The following ZNF248 variants were observed in gnomAD, a reference collection of about 807,000 sequenced individuals.
ZNF248 encodes the protein zinc finger protein 248.
ZNF248 carries 20 observed loss-of-function variants against 44.3 expected under a neutral mutation model. The observed-to-expected ratio is 0.45, with a 90% confidence interval of 0.32 to 0.66. The LOEUF is 0.66. ZNF248 is among the 30% of genes least tolerant of loss of function. The pLI is 0.04. For synonymous variants in ZNF248, 224 were observed against 229.0 expected (o/e 0.98, Z 0.20); for missense variants, 654 against 677.0 (o/e 0.97, Z 0.38).
At chr10:37,810,802 A>T (rs558312365) in intron 6 of ZNF248, among the ~76,000 whole-genome samples, 1 of 152,222 alleles carries the variant, frequency 6.6e-6, no homozygotes, top group Non-Finnish European at 1.5e-5. Flanking sequence ...ATGTTAACAG[A>T]CGTGAAGAGG....
At chr10:37,807,266 A>G (rs2050719657) in intron 6 of ZNF248, among the ~76,000 whole-genome samples, 1 of 150,280 alleles carries the variant, frequency 6.7e-6, no homozygotes, top group Non-Finnish European at 1.5e-5. Flanking sequence ...TGTTCTATAC[A>G]TCTGTCTTTA....
chr10:37,769,786 G>T, the ZNF248 span, among the ~76,000 whole-genome samples: 2 of 152,290 alleles, frequency 1.3e-5, no homozygotes, highest in East Asian at 3.9e-4. Flanking sequence ...AATTAGGCAG[G>T]AGAAGAAAAT....
intron 3 of ZNF248, among the ~76,000 whole-genome samples, chr10:37,844,974 C>G (rs61856974): frequency 1.7e-4 from 25 of 145,160 alleles, no homozygotes; most frequent in Non-Finnish European, 2.3e-4. Flanking sequence ...TTCCCTTCCC[C>G]TTTCCTTTCC....
chr10:37,800,134 G>C (rs1428987562), intron 6 of ZNF248, among the ~76,000 whole-genome samples: 1 of 152,158 alleles, frequency 6.6e-6, no homozygotes, highest in Non-Finnish European at 1.5e-5. Context: ...TTTTATTTTA[G>C]GTTCAGGGGT....
chr10:37,808,141 T>C (rs2050870155), intron 6 of ZNF248, among the ~76,000 whole-genome samples: 1 of 152,176 alleles, frequency 6.6e-6, no homozygotes, highest in Admixed American at 6.5e-5. Context: ...TCTATTAATG[T>C]GATGTATTAC....
rs1170725924 is a variant in ZNF248, at chr10:37,820,514, G to C, written c.330+12511C>G. On this transcript the variant is annotated intron_variant, in intron 6 of 6. Transcript: ENST00000615949. ...GGGATTGGATAAGGAATGTTGCGGT[G>C]AGGATCGTGCAACTGGTGCAACACT... 2.5e-6 allele frequency: 4 copies of C among 1,601,644 alleles called. No individual in the cohort carries two copies. In the East Asian group the frequency reaches 8.9e-5, roughly 36 times the overall value.
chr10:37,778,030 T>C (rs1186029958), intron 6 of ZNF248, among the ~76,000 whole-genome samples: 3 of 152,202 alleles, frequency 2.0e-5, no homozygotes, highest in Non-Finnish European at 2.9e-5. Context: ...GCATGATTTA[T>C]AGTCCTTTGG....
At chr10:37,808,896 T>G (rs891086800) in intron 6 of ZNF248, among the ~76,000 whole-genome samples, 1 of 152,100 alleles carries the variant, frequency 6.6e-6, no homozygotes, top group Admixed American at 6.5e-5. Flanking sequence ...ACTGATGCAG[T>G]CTCCTTATTA....
chr10:37,813,084 G>A (rs983418050), intron 6 of ZNF248, among the ~76,000 whole-genome samples: 2 of 151,532 alleles, frequency 1.3e-5, no homozygotes, highest in Non-Finnish European at 2.9e-5. Flanking sequence ...CATGGATCTT[G>A]GAGAAATTCA....
At chr10:37,762,248 C>A in the ZNF248 span, among the ~76,000 whole-genome samples, 12 of 152,272 alleles carry the variant, frequency 7.9e-5, no homozygotes, top group Non-Finnish European at 1.3e-4. Context: ...GAATAATGTT[C>A]CTCATAATAG....
intron 3 of ZNF248, among the ~76,000 whole-genome samples, chr10:37,853,266 C>T (rs1388341180): frequency 6.6e-6 from 1 of 152,022 alleles, no homozygotes; most frequent in African/African-American, 2.4e-5. Context: ...TTGCTGAAAA[C>T]CAAAAGAAAA....
chr10:37,856,719 T>A, intron 1 of ZNF248, 187 bp from the exon 2 acceptor site: 3 of 990,894 alleles, frequency 3.0e-6, no homozygotes, highest in Non-Finnish European at 3.6e-6. Flanking sequence ...AAAAGACCTC[T>A]AAAAAAAGGG....
At chr10:37,772,869 C>T (rs1207668823), downstream of ZNF248, among the ~76,000 whole-genome samples, 1 of 152,308 alleles carries the variant, frequency 6.6e-6, no homozygotes, top group South Asian at 2.1e-4. Context: ...TAGCCACCTA[C>T]ATGAATCAAA....
chr10:37,805,316 T>C (rs989233330), intron 6 of ZNF248, among the ~76,000 whole-genome samples: 1 of 152,198 alleles, frequency 6.6e-6, no homozygotes, highest in African/African-American at 2.4e-5. Context: ...TAAATGATGC[T>C]GGTACAATTG....
At chr10:37,770,298 A>C in the ZNF248 span, among the ~76,000 whole-genome samples, 18 of 152,360 alleles carry the variant, frequency 1.2e-4, no homozygotes, top group Middle Eastern at 3.4e-3. Flanking sequence ...GGAACCAAAA[A>C]AGAGCCCGCA....
rs527657629 is a variant in ZNF248, at chr10:37,786,634, G to A, written c.331-10059C>T. Among the ~76,000 whole-genome samples the A allele has an allele frequency of 2.0e-5, 3 of 152,236 alleles. No individual in the cohort carries two copies. The South Asian group carries it at 6.2e-4, about 32-fold the overall frequency. On this transcript the variant is annotated intron_variant, in intron 6 of 6. Transcript: ENST00000615949. ...CCATTGAAAAAATAAGAGCATGAAAGATCAGTTTAGTTTTTTAAACAGTAC... is the reference window on the plus strand; with the variant it reads ...CCATTGAAAAAATAAGAGCATGAAAAATCAGTTTAGTTTTTTAAACAGTAC...
chr10:37,779,054 G>C (rs570388370), intron 6 of ZNF248, among the ~76,000 whole-genome samples: 1 of 152,286 alleles, frequency 6.6e-6, no homozygotes, highest in African/African-American at 2.4e-5. Context: ...TCCAGGACCA[G>C]ATGGATTCAC....
At chr10:37,847,732 A>C (rs1169343424) in intron 3 of ZNF248, among the ~76,000 whole-genome samples, 3 of 121,628 alleles carry the variant, frequency 2.5e-5, no homozygotes, top group Non-Finnish European at 3.9e-5. Flanking sequence ...ATATGTTTAC[A>C]AAAAAAAATT....
At chr10:37,773,156 G>C (rs900220056), downstream of ZNF248, among the ~76,000 whole-genome samples, 1 of 152,194 alleles carries the variant, frequency 6.6e-6, no homozygotes, top group Non-Finnish European at 1.5e-5. Flanking sequence ...TGAGGCAGGA[G>C]AATCACTTAA....
Sources: gnomAD v4.1 joint callset for allele counts (sites outside exome capture counted in the v4.1 genomes callset) on GRCh38, gnomAD v4.1.1 for gene constraint, MANE v1.5 for transcripts, NCBI Gene and HGNC (gene_info 2026-07-23, HGNC 2026-07-21) for gene names.